Variants in GATA4 observed in about 807,000 individuals in gnomAD.
The protein encoded by GATA4 is transcription factor GATA-4.
Under a neutral mutation model 37.9 loss-of-function variants are expected in GATA4, and 7 were observed. The ratio of observed to expected loss-of-function variants is 0.18; its 90% CI spans 0.11 to 0.35. The LOEUF is 0.35. GATA4 is among the 10% of genes least tolerant of loss of function. The pLI is 1.00. For missense variants in GATA4, 647 were observed against 653.0 expected (o/e 0.99, Z 0.10); for synonymous variants, 372 against 292.6 (o/e 1.27, Z -2.77).
intron 1 of GATA4, chr8:11,698,058 C>G: frequency 1.0e-6 from 1 of 970,792 alleles, no homozygotes; most frequent in African/African-American, 1.8e-5. Context: ...CGGGTTCTCT[C>G]TCCTCCCACC....
At chr8:11,691,946 C>A, upstream of GATA4, 1 of 913,160 alleles carries the variant, frequency 1.1e-6, no homozygotes, top group Non-Finnish European at 1.3e-6. Context: ...CACTTCAGAC[C>A]ATAAATGCTC....
rs1403224197 is a variant in GATA4 at position 11,749,106 on chromosome 8, C to T, written c.786+21C>T. 1 of 1,613,032 alleles carries T rather than the reference C, an allele frequency of 6.2e-7. No homozygotes were observed. The highest frequency in any genetic ancestry group is 1.3e-5 in the African/African-American group (1 of 75,044). On this transcript the variant is annotated intron_variant, in intron 3 of 6. Coordinates refer to ENST00000532059, the MANE Select transcript of GATA4 (RefSeq NM_001308093.3). This position sits in a 1 kb window ranked among gnomAD's most constrained non-coding sequence, Gnocchi z 4.6. ...GGCTGGTAAGCACGTGCCTCGCAGCCTCCTCTGGGCACCTGGCTGCGGAGC... is the reference window on the plus strand; with the variant it reads ...GGCTGGTAAGCACGTGCCTCGCAGCTTCCTCTGGGCACCTGGCTGCGGAGC...
chr8:11,694,582 C>A, intron 1 of GATA4: 1 of 861,588 alleles, frequency 1.2e-6, no homozygotes, highest in Non-Finnish European at 1.4e-6. Flanking sequence ...TCATGGAAGC[C>A]AAACTGTCTG....
intron 2 of GATA4, 108 bp from the exon 3 acceptor site, chr8:11,748,808 A>C: frequency 7.6e-7 from 1 of 1,324,246 alleles, no homozygotes; most frequent in Non-Finnish European, 1.1e-6. Flanking sequence ...TTCTCTTTCC[A>C]AGGAAAGGGC....
At chr8:11,729,448 A>G (rs747741867) in intron 2 of GATA4, among the ~76,000 whole-genome samples, 3 of 151,790 alleles carry the variant, frequency 2.0e-5, no homozygotes, top group Non-Finnish European at 2.9e-5. Flanking sequence ...ATGCACCTAT[A>G]ATCCCAGCTA....
chr8:11,688,824 A>C (rs933351969), upstream of GATA4, among the ~76,000 whole-genome samples: 2 of 152,228 alleles, frequency 1.3e-5, no homozygotes, highest in African/African-American at 2.4e-5. Context: ...CTAATCCCCA[A>C]ATCCCCTGAA....
At chr8:11,720,952 C>CATGTGAA (rs1405107727) in intron 2 of GATA4, among the ~76,000 whole-genome samples, 3 of 152,094 alleles carry the variant, frequency 2.0e-5, no homozygotes, top group African/African-American at 4.8e-5. Flanking sequence ...ACCCCAGCTC[C>CATGTGAA]ACATGCGTGA....
intron 2 of GATA4, among the ~76,000 whole-genome samples, chr8:11,714,246 A>G (rs1317690987): frequency 6.6e-6 from 1 of 152,274 alleles, no homozygotes; most frequent in Non-Finnish European, 1.5e-5. Context: ...GTCGATAAAA[A>G]TAACAACACA....
At chr8:11,688,531 C>T (rs985198211), upstream of GATA4, among the ~76,000 whole-genome samples, 1 of 151,506 alleles carries the variant, frequency 6.6e-6, no homozygotes, top group African/African-American at 2.4e-5. Flanking sequence ...CATGCACACA[C>T]ACACACACAC....
At chr8:11,680,949 TC>T (rs1034690206) in intron 1 of GATA4, 11 of 984,922 alleles carry the variant, frequency 1.1e-5, no homozygotes, top group Middle Eastern at 5.2e-4. Flanking sequence ...GGTCACTGTG[TC>T]CCCCAGGTTA....
chr8:11,732,520 C>T (rs1383026741), intron 2 of GATA4, among the ~76,000 whole-genome samples: 2 of 152,102 alleles, frequency 1.3e-5, no homozygotes, highest in Non-Finnish European at 2.9e-5. Flanking sequence ...GGGAAGAAAA[C>T]GTGAAGTAAC....
At chr8:11,715,524 G>A (rs1394962780) in intron 2 of GATA4, among the ~76,000 whole-genome samples, 3 of 152,058 alleles carry the variant, frequency 2.0e-5, no homozygotes, top group South Asian at 2.1e-4. Flanking sequence ...TGAGGCGGGC[G>A]GATCGTGAGA....
At chr8:11,694,417 C>G in intron 1 of GATA4, 7 of 905,034 alleles carry the variant, frequency 7.7e-6, no homozygotes, top group Non-Finnish European at 9.3e-6. Flanking sequence ...GCTGGCGTGG[C>G]CCTCAGGGAT....
At chr8:11,717,530 C>T (rs181370464) in intron 2 of GATA4, among the ~76,000 whole-genome samples, 1 of 152,290 alleles carries the variant, frequency 6.6e-6, no homozygotes, top group African/African-American at 2.4e-5. Flanking sequence ...TGGTTTGGAA[C>T]CCAGGTAAGT....
intron 1 of GATA4, among the ~76,000 whole-genome samples, chr8:11,679,665 C>T (rs867242536): frequency 1.3e-5 from 2 of 152,220 alleles, no homozygotes; most frequent in South Asian, 2.1e-4. Flanking sequence ...TTAAAAGTAT[C>T]CCGGCGAGCC....
intron 1 of GATA4, among the ~76,000 whole-genome samples, chr8:11,694,772 A>G (rs576674995): frequency 8.5e-5 from 13 of 152,310 alleles, no homozygotes; most frequent in African/African-American, 3.1e-4. Flanking sequence ...ATGATCACAG[A>G]GGTATGACTG....
chr8:11,755,935 A>G (rs1439003980), intron 5 of GATA4, among the ~76,000 whole-genome samples: 1 of 150,878 alleles, frequency 6.6e-6, no homozygotes, highest in Non-Finnish European at 1.5e-5. Context: ...AAATACATTT[A>G]AAAAGAACGA....
intron 2 of GATA4, among the ~76,000 whole-genome samples, chr8:11,737,522 A>G (rs1421721801): frequency 6.6e-6 from 1 of 152,250 alleles, no homozygotes; most frequent in East Asian, 1.9e-4. Context: ...CCTCTGGCCA[A>G]AGCTCCATTG....
At chr8:11,750,055 G>A (rs1585687333) in intron 3 of GATA4, 56 bp from the exon 4 acceptor site, 1 of 1,612,974 alleles carries the variant, frequency 6.2e-7, no homozygotes, top group Non-Finnish European at 8.5e-7. Flanking sequence ...ACGCGAGGTG[G>A]AAGGGCAGTG....
Sources: allele counts gnomAD v4.1 joint callset (sites outside exome capture counted in the v4.1 genomes callset), GRCh38; gene constraint gnomAD v4.1.1; non-coding constraint Gnocchi (gnomAD v3.1); transcripts MANE v1.5; gene names NCBI Gene and HGNC (gene_info 2026-07-23, HGNC 2026-07-21).